ZNF638: variants seen among roughly 807,000 people sequenced by gnomAD.
ZNF638 encodes zinc finger protein 638.
A neutral mutation model predicts 195.6 loss-of-function variants in ZNF638; 46 were observed. That is an observed-to-expected ratio of 0.24 (90% CI 0.19 to 0.30). The LOEUF (loss-of-function observed/expected upper bound fraction) is 0.30. ZNF638 is among the 10% of genes least tolerant of loss of function. The probability of loss-of-function intolerance (pLI) is 1.00; values close to 1 mark genes in which losing one functional copy is unlikely to be tolerated. For missense variants in ZNF638, 2,440 were observed against 2,325.3 expected, an observed-to-expected ratio of 1.05 and a Z score of -1.01; for synonymous variants, 845 against 772.0, an observed-to-expected ratio of 1.09 and a Z score of -1.57.
At chr2:71,383,006 C>T (rs577236076) in intron 10 of ZNF638, among the ~76,000 whole-genome samples, 1 of 152,276 alleles carries the variant, frequency 6.6e-6, no homozygotes, top group South Asian at 2.1e-4. Context: ...TTTGTTTAAT[C>T]TTTCAAACCG....
rs754298277 is a variant in ZNF638 at position 71,349,272 on chromosome 2, T to C, written c.318T>C (p.Asp106=). Residue 106 remains aspartate (D), a synonymous_variant, in exon 2 of 28, where the codon GAT becomes GAC. Coordinates refer to ENST00000264447, the MANE Select transcript of ZNF638 (RefSeq NM_014497.5). ...AGCCTCATGGTAGCCGGTGGGATGATGAGCCTCATATATCTGCATCAGTGG... is the reference window on the plus strand; with the variant it reads ...AGCCTCATGGTAGCCGGTGGGATGACGAGCCTCATATATCTGCATCAGTGG... ...KGKPHGSRWD[D]EPHISASVAV... The C allele has an allele frequency of 6.2e-7, 1 of 1,614,058 alleles. No individual in the cohort carries two copies. Among genetic ancestry groups the C allele is most frequent in the African/African-American group, 1.3e-5 (1 of 74,916 alleles).
At chr2:71,367,470 G>T (rs751825570) in intron 6 of ZNF638, among the ~76,000 whole-genome samples, 3 of 127,398 alleles carry the variant, frequency 2.4e-5, no homozygotes, top group Non-Finnish European at 4.8e-5. Context: ...GTCTCGCTCT[G>T]TCACCCAGGC....
chr2:71,431,713 T>C (rs1224655191), intron 26 of ZNF638, among the ~76,000 whole-genome samples: 1 of 148,742 alleles, frequency 6.7e-6, no homozygotes, highest in Non-Finnish European at 1.5e-5. Flanking sequence ...TGAGCCGAGA[T>C]AGCGCCACTG....
At chr2:71,414,169 A>G (rs1229713973) in intron 20 of ZNF638, among the ~76,000 whole-genome samples, 1 of 119,900 alleles carries the variant, frequency 8.3e-6, no homozygotes, top group African/African-American at 3.2e-5. Context: ...TTATTGGTCT[A>G]TTCAGAGATT....
At position 71,348,916 on chromosome 2, in the gene ZNF638, C is replaced by T. The variant is rs774443569; in HGVS notation, c.-39C>T. Reference sequence around the variant, plus strand: ...CGTTGCCTCACATGGTTCAACACCACCTTATACTTTATTAAATCAGGCTTT... The same window carrying T: ...CGTTGCCTCACATGGTTCAACACCATCTTATACTTTATTAAATCAGGCTTT... On this transcript the variant is annotated 5_prime_UTR_variant, in exon 2 of 28. Coordinates refer to ENST00000264447, the MANE Select transcript of ZNF638 (RefSeq NM_014497.5). The T allele has an allele frequency of 5.0e-6, 8 of 1,614,048 alleles. No individual in the cohort carries two copies. The highest frequency in any genetic ancestry group is 6.8e-6 in the Non-Finnish European group (8 of 1,180,032).
chr2:71,386,698 TC>T (rs1461061291), intron 10 of ZNF638, among the ~76,000 whole-genome samples: 3 of 152,120 alleles, frequency 2.0e-5, no homozygotes, highest in Admixed American at 2.0e-4. Context: ...AAAGAAGAGC[TC>T]CTTATGTAAT....
intron 6 of ZNF638, among the ~76,000 whole-genome samples, chr2:71,367,402 T>A (rs1345704144): frequency 6.7e-6 from 1 of 150,344 alleles, no homozygotes; most frequent in Non-Finnish European, 1.5e-5. Flanking sequence ...ACTACAGGTA[T>A]GCGCCAACAC....
chr2:71,417,051 C>G (rs1046364119), intron 20 of ZNF638, among the ~76,000 whole-genome samples: 22 of 126,472 alleles, frequency 1.7e-4, no homozygotes, highest in East Asian at 1.7e-3. Context: ...CAAGCCTGGG[C>G]AATGGCGGGC....
chr2:71,338,413 G>A (rs1213085726), intron 1 of ZNF638, among the ~76,000 whole-genome samples: 1 of 152,096 alleles, frequency 6.6e-6, no homozygotes, highest in Non-Finnish European at 1.5e-5. Flanking sequence ...TTACTCTTCA[G>A]TTCTTTCTTG....
At position 71,390,743 on chromosome 2, in the gene ZNF638, A is replaced by G. The variant is rs77508185; in HGVS notation, c.2378-5398A>G. Among the ~76,000 whole-genome samples, 8,028 of 152,224 alleles carry G rather than the reference A, an allele frequency of 0.053. 963 individuals carry two copies. The East Asian group carries it at 0.56, about 11-fold the overall frequency. On this transcript the variant is annotated intron_variant, in intron 10 of 27. Transcript: ENST00000264447. The stretch of plus-strand genomic sequence containing the variant: ...GGATACAGGGGTGAATATTTCGATT[A>G]TTAGTTATCAAAACTGGTCAGAAAC...
At chr2:71,405,558 A>C in intron 17 of ZNF638, 43 bp from the exon 18 acceptor site, 1 of 1,265,656 alleles carries the variant, frequency 7.9e-7, no homozygotes, top group Non-Finnish European at 1.1e-6. Flanking sequence ...TTTGTATGAG[A>C]AAGAGCTTAT....
At chr2:71,400,662 A>T in intron 15 of ZNF638, 144 bp downstream of exon 15, 1 of 676,622 alleles carries the variant, frequency 1.5e-6, no homozygotes, top group Non-Finnish European at 2.3e-6. Flanking sequence ...CATGATTTTT[A>T]GAAAGGAAAA....
intron 3 of ZNF638, among the ~76,000 whole-genome samples, chr2:71,359,677 T>C (rs1397691059): frequency 6.6e-6 from 1 of 152,256 alleles, no homozygotes; most frequent in Non-Finnish European, 1.5e-5. Flanking sequence ...AATTGCTTCA[T>C]AACTTTCTCT....
intron 12 of ZNF638, 106 bp from the exon 13 acceptor site, chr2:71,399,453 G>C (rs2079961336): frequency 1.4e-6 from 1 of 731,426 alleles, no homozygotes; most frequent in Admixed American, 2.7e-5. Flanking sequence ...GTGGAAAAGA[G>C]CTGCTTTTGT....
chr2:71,399,413 G>C (rs996787265), intron 12 of ZNF638, 146 bp from the exon 13 acceptor site: 41 of 611,682 alleles, frequency 6.7e-5, no homozygotes, highest in Non-Finnish European at 2.3e-5. Context: ...TGGGAAAGAG[G>C]TACTGAAAAT....
chr2:71,432,762 G>A (rs1236891526), intron 26 of ZNF638, among the ~76,000 whole-genome samples: 2 of 152,202 alleles, frequency 1.3e-5, no homozygotes, highest in African/African-American at 4.8e-5. Context: ...TTATATTTAA[G>A]TATATACTGT....
intron 10 of ZNF638, among the ~76,000 whole-genome samples, chr2:71,389,749 AT>A (rs969826028): frequency 6.6e-6 from 1 of 152,220 alleles, no homozygotes; most frequent in African/African-American, 2.4e-5. Flanking sequence ...CTCAGGAGCC[AT>A]TTTTTGAATT....
At chr2:71,342,941 T>A (rs932833986) in intron 1 of ZNF638, among the ~76,000 whole-genome samples, 3 of 152,206 alleles carry the variant, frequency 2.0e-5, no homozygotes, top group Admixed American at 2.0e-4. Flanking sequence ...ATAATTTACT[T>A]TTTATCATTT....
intron 10 of ZNF638, chr2:71,395,819 GATTTTGACTTGAT>G (rs2079881554): frequency 2.3e-6 from 1 of 428,326 alleles, no homozygotes; most frequent in African/African-American, 2.0e-5. Context: ...GACTTGGCAG[GATTTTGACTTGAT>G]ATATTGTGTG....
Sources: gnomAD v4.1 joint callset for allele counts (sites outside exome capture counted in the v4.1 genomes callset) on GRCh38, gnomAD v4.1.1 for gene constraint, MANE v1.5 for transcripts, NCBI Gene and HGNC (gene_info 2026-07-23, HGNC 2026-07-21) for gene names.